Variants in PEAK1 observed in about 807,000 individuals in gnomAD.
The protein encoded by PEAK1 is inactive tyrosine-protein kinase PEAK1.
In PEAK1, 54 loss-of-function variants were observed where a neutral mutation model predicts 124.7. The observed-to-expected ratio is 0.43, with a 90% CI of 0.35 to 0.54. The LOEUF is 0.54. Ranked by LOEUF, PEAK1 falls within the 20% of genes least tolerant of loss-of-function variation. The pLI is 0.01. For missense variants in PEAK1, 2,046 were observed against 2,134.5 expected (o/e 0.96, Z 0.82); for synonymous variants, 719 against 760.0 (o/e 0.95, Z 0.89).
intron 7 of PEAK1, among the ~76,000 whole-genome samples, chr15:77,160,772 G>C (rs2055565756): frequency 6.6e-6 from 1 of 152,170 alleles, no homozygotes; most frequent in East Asian, 1.9e-4. Context: ...CTGAATAGCT[G>C]TTTCTTGGCT....
intron 1 of PEAK1, among the ~76,000 whole-genome samples, chr15:77,413,162 A>C (rs991889427): frequency 2.0e-5 from 3 of 152,224 alleles, no homozygotes; most frequent in African/African-American, 7.2e-5. Flanking sequence ...ATTAGTGGGC[A>C]GAAACAGGAT....
chr15:77,330,185 T>C (rs1597323654), intron 2 of PEAK1, among the ~76,000 whole-genome samples: 1 of 152,158 alleles, frequency 6.6e-6, no homozygotes, highest in Non-Finnish European at 1.5e-5. Flanking sequence ...TACTACCAAA[T>C]AGAGATTAAC....
At chr15:77,283,212 C>A (rs2062758959) in intron 5 of PEAK1, among the ~76,000 whole-genome samples, 1 of 152,134 alleles carries the variant, frequency 6.6e-6, no homozygotes, top group Non-Finnish European at 1.5e-5. Context: ...ATGTTGCTTT[C>A]AAATTTTGTT....
chr15:77,152,695 T>A (rs959622797), intron 8 of PEAK1, among the ~76,000 whole-genome samples: 2 of 152,220 alleles, frequency 1.3e-5, no homozygotes, highest in Admixed American at 1.3e-4. Flanking sequence ...GTTTTTAGCA[T>A]GAAGGGTTGT....
intron 2 of PEAK1, chr15:77,334,318 G>A: frequency 4.1e-6 from 4 of 985,284 alleles, no homozygotes; most frequent in Non-Finnish European, 4.8e-6. Context: ...CTTTTGAAAT[G>A]ACTGCCCAAC....
Position 77,114,105 on chromosome 15 carries a change from G to A in PEAK1, c.*51C>T. ...TGAGCACTAGGGAGGGGAAGTGCAT[G>A]GGTGACATGAAGAAGGTGAAGATGT... On this transcript the variant is annotated 3_prime_UTR_variant, in exon 10 of 10. Transcript: ENST00000682557. The A allele has an allele frequency of 1.3e-6, 2 of 1,566,730 alleles. No homozygotes were observed. The highest frequency in any genetic ancestry group is 2.3e-5 in the South Asian group (2 of 85,718).
intron 6 of PEAK1, among the ~76,000 whole-genome samples, chr15:77,182,767 A>AAAAAAAAAAAAAC (rs2057349179): frequency 6.7e-6 from 1 of 150,288 alleles, no homozygotes. Flanking sequence ...AAAAAAAAAA[A>AAAAAAAAAAAAAC]AAGGCTGAAA....
At chr15:77,316,142 T>TA (rs559141364) in intron 2 of PEAK1, among the ~76,000 whole-genome samples, 2 of 152,202 alleles carry the variant, frequency 1.3e-5, no homozygotes, top group Non-Finnish European at 2.9e-5. Flanking sequence ...GCCACCACAG[T>TA]ATTAACACTG....
chr15:77,242,235 T>C (rs1458697853), intron 6 of PEAK1, among the ~76,000 whole-genome samples: 1 of 152,134 alleles, frequency 6.6e-6, no homozygotes, highest in Non-Finnish European at 1.5e-5. Context: ...TAAATACATA[T>C]ATATTTATGC....
In PEAK1 at chr15:77,334,269, C is replaced by A. The variant is rs186314156; in HGVS notation, c.-603+30894G>T. 3.2e-5 allele frequency: 32 copies of A among 984,932 alleles called. No homozygotes were observed. In the East Asian group the frequency reaches 3.4e-3, roughly 105 times the overall value. The allele number at this position is 984,932 out of a possible 1,614,324, so 61.0% of individuals were successfully genotyped here. Reference sequence around the variant, plus strand: ...CTTTCAGGTAATTTTCCTAGATTTTCTGGTAGATCACTTGTGCATAATAGT... The same window carrying A: ...CTTTCAGGTAATTTTCCTAGATTTTATGGTAGATCACTTGTGCATAATAGT... On this transcript the variant is annotated intron_variant, in intron 2 of 9. Transcript: ENST00000682557.
In PEAK1 at chr15:77,113,988, C is replaced by G. The variant is rs537846760; in HGVS notation, c.*168G>C. The G allele has an allele frequency of 1.6e-5, 11 of 678,512 alleles. No individual in the cohort carries two copies. The African/African-American group carries it at 1.8e-4, about 11-fold the overall frequency. 42.0% of individuals were successfully genotyped at this position (678,512 alleles called of 1,614,324 possible). On this transcript the variant is annotated 3_prime_UTR_variant, in exon 10 of 10. Coordinates refer to ENST00000682557, the MANE Select transcript of PEAK1 (RefSeq NM_001385026.1). ...GTTAAGACAGACTCAGCTTCTCATTCAATCTGGGGCAGTGGATAACCTTTC... is the reference window on the plus strand; with the variant it reads ...GTTAAGACAGACTCAGCTTCTCATTGAATCTGGGGCAGTGGATAACCTTTC...
intron 6 of PEAK1, among the ~76,000 whole-genome samples, chr15:77,190,283 T>C (rs1035796809): frequency 2.3e-4 from 35 of 152,350 alleles, no homozygotes; most frequent in African/African-American, 7.9e-4. Flanking sequence ...TGAAGAAGTA[T>C]AGATTTATTG....
chr15:77,126,868 G>A (rs2052419132), intron 9 of PEAK1, among the ~76,000 whole-genome samples: 1 of 152,122 alleles, frequency 6.6e-6, no homozygotes, highest in African/African-American at 2.4e-5. Flanking sequence ...AAATATGAAA[G>A]AGGAAAACCT....
chr15:77,210,989 C>T (rs1405332587), intron 6 of PEAK1, among the ~76,000 whole-genome samples: 1 of 152,210 alleles, frequency 6.6e-6, no homozygotes, highest in East Asian at 1.9e-4. Context: ...GGGTTTTCTA[C>T]TTCTAGATCT....
chr15:77,271,223 G>A (rs139227353), intron 5 of PEAK1, among the ~76,000 whole-genome samples: 449 of 152,156 alleles, frequency 3.0e-3, no homozygotes, highest in South Asian at 5.4e-3. Context: ...AAACTAAACC[G>A]CAATGAGATA....
intron 1 of PEAK1, among the ~76,000 whole-genome samples, chr15:77,372,689 G>A (rs531078576): frequency 7.2e-5 from 11 of 152,274 alleles, no homozygotes; most frequent in African/African-American, 2.2e-4. Context: ...TCGGATATGT[G>A]TCCCCGCTCA....
intron 7 of PEAK1, among the ~76,000 whole-genome samples, chr15:77,159,662 G>A (rs2055458046): frequency 1.3e-5 from 2 of 152,196 alleles, no homozygotes; most frequent in African/African-American, 4.8e-5. Context: ...AGGAAGGAAA[G>A]GAAACATATA....
chr15:77,359,283 T>C (rs946975145), intron 2 of PEAK1, among the ~76,000 whole-genome samples: 16 of 151,826 alleles, frequency 1.1e-4, no homozygotes, highest in African/African-American at 3.1e-4. Context: ...TCAAAAAATA[T>C]ATAAAAATAA....
intron 5 of PEAK1, among the ~76,000 whole-genome samples, chr15:77,271,314 C>T (rs2062017698): frequency 6.6e-6 from 1 of 152,148 alleles, no homozygotes; most frequent in African/African-American, 2.4e-5. Context: ...GAAATAGGAA[C>T]ACTTTTACAC....
Sources: allele counts gnomAD v4.1 joint callset (sites outside exome capture counted in the v4.1 genomes callset), GRCh38; gene constraint gnomAD v4.1.1; transcripts MANE v1.5; gene names NCBI Gene and HGNC (gene_info 2026-07-23, HGNC 2026-07-21).